The following ARHGEF26 variants were observed in gnomAD, a reference collection of about 807,000 sequenced individuals.
ARHGEF26 encodes the protein Rho guanine nucleotide exchange factor 26.
Under a neutral mutation model 89.4 loss-of-function variants are expected in ARHGEF26, and 59 were observed. The ratio of observed to expected loss-of-function variants is 0.66; its 90% CI spans 0.54 to 0.82. The LOEUF (loss-of-function observed/expected upper bound fraction) is 0.82, where lower values mean the gene tolerates loss of function less well. Ranked by LOEUF, ARHGEF26 falls within the 40% of genes least tolerant of loss-of-function variation. The pLI is 0.00. For synonymous variants in ARHGEF26, 500 were observed against 428.4 expected (o/e 1.17, Z -2.06); for missense variants, 1,234 against 1,085.6 (o/e 1.14, Z -1.92).
chr3:154,165,113 T>TTAA (rs2108125742), intron 6 of ARHGEF26, among the ~76,000 whole-genome samples: 1 of 152,258 alleles, frequency 6.6e-6, no homozygotes, highest in Admixed American at 6.5e-5. Flanking sequence ...GTTTTAAAAA[T>TTAA]ATTAAATATG....
chr3:154,163,188 C>A (rs1711773671), intron 6 of ARHGEF26, among the ~76,000 whole-genome samples: 1 of 151,996 alleles, frequency 6.6e-6, no homozygotes. Flanking sequence ...TCTTTTTGAC[C>A]AGAAATATCC....
At position 154,122,545 on chromosome 3, in the gene ARHGEF26, C is replaced by A. The variant is rs747486819; in HGVS notation, c.553C>A (p.Pro185Thr). The A allele has an allele frequency of 2.1e-5, 34 of 1,613,462 alleles. No homozygotes were observed. Among genetic ancestry groups the A allele is most frequent in the Admixed American group, 6.7e-5 (4 of 60,004 alleles). ...TGGCCTTGCCGCTAATAACGACTCT[C>A]CTGGGTCAGGTTCGCAGTCCGGCCG... ...ANGLAANNDS[P>T]GSGSQSGRKA... The change falls in exon 2 of 15, where the codon CCT becomes ACT. Residue 185 changes from proline (P) to threonine (T), a missense_variant. By Grantham distance (38) the Pro-to-Thr change is conservative (BLOSUM62 -1). Coordinates refer to ENST00000465093, the MANE Select transcript of ARHGEF26 (RefSeq NM_015595.4).
chr3:154,123,489 G>A (rs1718128289), intron 2 of ARHGEF26, among the ~76,000 whole-genome samples: 1 of 152,184 alleles, frequency 6.6e-6, no homozygotes, highest in African/African-American at 2.4e-5. Context: ...TATCACAGCT[G>A]ATTCAGAAAA....
chr3:154,211,248 A>G (rs770898690), intron 9 of ARHGEF26, among the ~76,000 whole-genome samples: 1 of 152,120 alleles, frequency 6.6e-6, no homozygotes, highest in Non-Finnish European at 1.5e-5. Flanking sequence ...CTTATGGCCT[A>G]AACTGCCTTT....
At chr3:154,162,553 C>A (rs1278598815) in intron 6 of ARHGEF26, among the ~76,000 whole-genome samples, 1 of 152,110 alleles carries the variant, frequency 6.6e-6, no homozygotes, top group Non-Finnish European at 1.5e-5. Flanking sequence ...AATGGATTCC[C>A]AGCCAGGGCC....
chr3:154,202,517 T>A (rs1413558264), intron 9 of ARHGEF26, among the ~76,000 whole-genome samples: 53 of 152,216 alleles, frequency 3.5e-4, no homozygotes, highest in Middle Eastern at 3.4e-3. Context: ...ACTTTAAAGT[T>A]GTTTTTTCCA....
At chr3:154,208,321 T>C (rs1297307427) in intron 9 of ARHGEF26, among the ~76,000 whole-genome samples, 1 of 152,172 alleles carries the variant, frequency 6.6e-6, no homozygotes, top group African/African-American at 2.4e-5. Context: ...AGTACTGGGA[T>C]TACAGGTGTG....
Position 154,163,417 on chromosome 3 carries a change from GT to G in ARHGEF26, c.1487+10491del, listed in dbSNP as rs891441016. Among the ~76,000 whole-genome samples the G allele has an allele frequency of 3.9e-5, 6 of 152,204 alleles. No homozygotes were observed. In the East Asian group the frequency reaches 5.8e-4, roughly 15 times the overall value. On this transcript the variant is annotated intron_variant, in intron 6 of 14. Coordinates refer to ENST00000465093, the MANE Select transcript of ARHGEF26 (RefSeq NM_015595.4). ...ACCTAACTGGAATTGTACCTAGTGA[GT>G]TTTTTGATTCTTCATAATGTATTGG...
At chr3:154,213,928 A>T (rs2108237953) in intron 9 of ARHGEF26, among the ~76,000 whole-genome samples, 1 of 152,296 alleles carries the variant, frequency 6.6e-6, no homozygotes, top group Middle Eastern at 3.4e-3. Flanking sequence ...ACAATTACAG[A>T]AATTTTATAG....
intron 3 of ARHGEF26, among the ~76,000 whole-genome samples, chr3:154,129,256 G>A (rs1320531961): frequency 6.6e-6 from 1 of 152,150 alleles, no homozygotes; most frequent in Non-Finnish European, 1.5e-5. Flanking sequence ...TTAAATAAAA[G>A]ATAGGATGTA....
chr3:154,207,887 T>C (rs371745471), intron 9 of ARHGEF26, among the ~76,000 whole-genome samples: 1 of 152,092 alleles, frequency 6.6e-6, no homozygotes, highest in East Asian at 1.9e-4. Flanking sequence ...AAAATGTACA[T>C]ATACACCATG....
At chr3:154,236,691 A>G (rs113304882) in intron 11 of ARHGEF26, among the ~76,000 whole-genome samples, 47 of 152,242 alleles carry the variant, frequency 3.1e-4, no homozygotes, top group Non-Finnish European at 5.4e-4. Flanking sequence ...GAGATGGGAA[A>G]CGGGCTTTAA....
intron 4 of ARHGEF26, among the ~76,000 whole-genome samples, chr3:154,139,389 A>G (rs185448130): frequency 5.7e-4 from 87 of 152,302 alleles, no homozygotes; most frequent in Admixed American, 7.2e-4. Flanking sequence ...ATGAAATCGA[A>G]TTAAATTTTG....
At chr3:154,253,872 C>T (rs1336559671) in intron 13 of ARHGEF26, among the ~76,000 whole-genome samples, 1 of 152,166 alleles carries the variant, frequency 6.6e-6, no homozygotes, top group Non-Finnish European at 1.5e-5. Flanking sequence ...GCCAAAATGA[C>T]TGGTTTGAAA....
Position 154,255,352 on chromosome 3 carries a change from T to G in ARHGEF26, c.2495T>G (p.Leu832Arg). The G allele has an allele frequency of 6.2e-7, 1 of 1,613,526 alleles. No homozygotes were observed. Among genetic ancestry groups the G allele is most frequent in the Non-Finnish European group, 8.5e-7 (1 of 1,179,716 alleles). The change falls in exon 15 of 15, where the codon CTA becomes CGA. Residue 832 changes from leucine (L) to arginine (R), a missense_variant. Physicochemically the swap from Leu to Arg is moderately radical, Grantham distance 102. Transcript: ENST00000465093. ...ACAGGCTGGTATGAGGGGGAACGAC[T>G]ACGAGATGGAGAAAGAGGCTGGTTT... ...VSDGWYEGER[L>R]RDGERGWFPM...
At chr3:154,148,178 A>C (rs1471139725) in intron 4 of ARHGEF26, among the ~76,000 whole-genome samples, 5 of 152,204 alleles carry the variant, frequency 3.3e-5, no homozygotes, top group Admixed American at 3.3e-4. Flanking sequence ...GCGGCCTGGC[A>C]GCCAGCCATG....
intron 4 of ARHGEF26, among the ~76,000 whole-genome samples, chr3:154,132,886 A>G (rs1185824871): frequency 1.3e-5 from 2 of 152,130 alleles, no homozygotes; most frequent in African/African-American, 4.8e-5. Context: ...TCTAATTTTG[A>G]GTATAACATT....
intron 6 of ARHGEF26, among the ~76,000 whole-genome samples, chr3:154,163,870 A>G (rs1283404655): frequency 1.3e-5 from 2 of 152,272 alleles, no homozygotes; most frequent in Non-Finnish European, 2.9e-5. Flanking sequence ...AAAGTATCCC[A>G]TAATCTGAAG....
chr3:154,178,498 G>A (rs1208162604), intron 6 of ARHGEF26, among the ~76,000 whole-genome samples: 1 of 152,118 alleles, frequency 6.6e-6, no homozygotes, highest in Non-Finnish European at 1.5e-5. Flanking sequence ...AATATAAAAT[G>A]TGGTCTTTGA....
Sources: gnomAD v4.1 joint callset for allele counts (sites outside exome capture counted in the v4.1 genomes callset) on GRCh38, gnomAD v4.1.1 for gene constraint, MANE v1.5 for transcripts, NCBI Gene and HGNC (gene_info 2026-07-23, HGNC 2026-07-21) for gene names.